FOXP2: variants seen among roughly 807,000 people sequenced by gnomAD.
FOXP2 encodes the protein forkhead box protein P2.
FOXP2 carries 12 observed loss-of-function variants against 115.8 expected under a neutral mutation model. That is an observed-to-expected ratio of 0.10 (90% confidence interval 0.07 to 0.17). FOXP2 has a LOEUF of 0.17. Among genes scored for constraint, FOXP2 ranks in the 10% least tolerant of loss-of-function variants. The probability of loss-of-function intolerance (pLI) is 1.00; values close to 1 mark genes in which losing one functional copy is unlikely to be tolerated. For missense variants in FOXP2, 629 were observed against 843.5 expected (o/e 0.75, Z 3.15); for synonymous variants, 328 against 297.7 (o/e 1.10, Z -1.05).
chr7:114,505,538 A>G (rs1797765174), intron 2 of FOXP2, among the ~76,000 whole-genome samples: 2 of 151,326 alleles, frequency 1.3e-5, no homozygotes, highest in South Asian at 4.1e-4. Flanking sequence ...TAGAGATCAA[A>G]TAATAGGTGA....
chr7:114,262,664 T>C (rs1795786543), intron 1 of FOXP2, among the ~76,000 whole-genome samples: 1 of 152,240 alleles, frequency 6.6e-6, no homozygotes. Context: ...TTAACAAATT[T>C]AGATTTAAAG....
chr7:114,637,267 T>A (rs1805273897), intron 6 of FOXP2, among the ~76,000 whole-genome samples: 1 of 152,202 alleles, frequency 6.6e-6, no homozygotes, highest in South Asian at 2.1e-4. Flanking sequence ...CCTTTTAATA[T>A]TTGTGGTACT....
At chr7:114,111,899 G>A (rs970493348) in intron 1 of FOXP2, among the ~76,000 whole-genome samples, 1 of 151,912 alleles carries the variant, frequency 6.6e-6, no homozygotes, top group African/African-American at 2.4e-5. Flanking sequence ...TTTGAAGACT[G>A]TTCCCAGGGC....
At chr7:114,252,377 C>T (rs961409433) in intron 1 of FOXP2, among the ~76,000 whole-genome samples, 3 of 152,152 alleles carry the variant, frequency 2.0e-5, no homozygotes, top group African/African-American at 7.2e-5. Context: ...GTACCAGCTC[C>T]TCCTTGTACC....
intron 3 of FOXP2, among the ~76,000 whole-genome samples, chr7:114,546,437 A>G (rs1296249069): frequency 6.6e-6 from 1 of 152,230 alleles, no homozygotes. Flanking sequence ...CTCTCCAAAC[A>G]TACTATTTAT....
intron 2 of FOXP2, among the ~76,000 whole-genome samples, chr7:114,441,724 A>C (rs1004636516): frequency 6.6e-6 from 1 of 152,224 alleles, no homozygotes; most frequent in Admixed American, 6.5e-5. Flanking sequence ...CAAAGAAGAT[A>C]TATGAATGGG....
At chr7:114,548,546 G>T (rs1290208785) in intron 3 of FOXP2, among the ~76,000 whole-genome samples, 3 of 152,122 alleles carry the variant, frequency 2.0e-5, no homozygotes, top group African/African-American at 4.8e-5. Flanking sequence ...AATTTTGTTT[G>T]TTTGTTTTCT....
intron 2 of FOXP2, among the ~76,000 whole-genome samples, chr7:114,368,430 A>G (rs1213757539): frequency 6.6e-6 from 1 of 152,206 alleles, no homozygotes; most frequent in Admixed American, 6.5e-5. Flanking sequence ...GGTAGTTTAT[A>G]ATCACTGTGC....
intron 3 of FOXP2, among the ~76,000 whole-genome samples, chr7:114,572,971 T>G (rs1433458644): frequency 6.6e-6 from 1 of 151,888 alleles, no homozygotes; most frequent in East Asian, 1.9e-4. Context: ...CTGCTTTGAA[T>G]GCAGTGTTAA....
At chr7:114,090,711 A>C (rs1263359327) in intron 1 of FOXP2, among the ~76,000 whole-genome samples, 1 of 151,842 alleles carries the variant, frequency 6.6e-6, no homozygotes, top group Non-Finnish European at 1.5e-5. Context: ...TAGGTGAAAT[A>C]AACATTTTCT....
chr7:114,426,633 G>A lies in FOXP2; in HGVS notation c.122G>A (p.Ser41Asn). 1.2e-6 allele frequency: 2 copies of A among 1,611,532 alleles called. No individual in the cohort carries two copies. The highest frequency in any genetic ancestry group is 1.7e-6 in the Non-Finnish European group (2 of 1,178,326). Reference sequence around the variant, plus strand: ...GATGGAAGATCAAGTGGTGACACCAGCTCTGAAGTAAGCACAGTAGAACTG... The same window carrying A: ...GATGGAAGATCAAGTGGTGACACCAACTCTGAAGTAAGCACAGTAGAACTG... ...SRDGRSSGDT[S>N]SEVSTVELLH... The change falls in exon 2 of 17, where the codon AGC becomes AAC. Residue 41 changes from serine (S) to asparagine (N), a missense_variant. Transcript: ENST00000350908.
At chr7:114,365,937 C>A (rs1183662490) in intron 2 of FOXP2, among the ~76,000 whole-genome samples, 1 of 152,020 alleles carries the variant, frequency 6.6e-6, no homozygotes, top group African/African-American at 2.4e-5. Flanking sequence ...TCATTTCCCC[C>A]AAAATTCCTA....
intron 2 of FOXP2, among the ~76,000 whole-genome samples, chr7:114,443,893 G>A (rs1008116896): frequency 6.6e-6 from 1 of 152,150 alleles, no homozygotes; most frequent in Admixed American, 6.5e-5. Flanking sequence ...ATGCATGCAT[G>A]TTTCTTTATG....
chr7:114,228,793 CA>C (rs1265335255), intron 1 of FOXP2, among the ~76,000 whole-genome samples: 2 of 141,868 alleles, frequency 1.4e-5, no homozygotes, highest in Admixed American at 6.9e-5. Context: ...TATAGAACTA[CA>C]AAAAAATCAA....
chr7:114,510,441 A>C (rs2129261104), intron 2 of FOXP2, among the ~76,000 whole-genome samples: 1 of 152,326 alleles, frequency 6.6e-6, no homozygotes, highest in South Asian at 2.1e-4. Flanking sequence ...AAATAGGATA[A>C]GAAGAAGAAT....
At chr7:114,440,390 A>T (rs1384953353) in intron 2 of FOXP2, among the ~76,000 whole-genome samples, 1 of 152,180 alleles carries the variant, frequency 6.6e-6, no homozygotes, top group African/African-American at 2.4e-5. Context: ...ATAATGTATG[A>T]GTGAAAACTT....
At chr7:114,588,045 C>A (rs1053628869) in intron 3 of FOXP2, among the ~76,000 whole-genome samples, 2 of 151,704 alleles carry the variant, frequency 1.3e-5, no homozygotes, top group African/African-American at 4.8e-5. Flanking sequence ...CATGGTGGCT[C>A]AGGCCTGTGA....
chr7:114,354,058 A>G (rs1230613717), intron 2 of FOXP2, among the ~76,000 whole-genome samples: 1 of 152,114 alleles, frequency 6.6e-6, no homozygotes, highest in East Asian at 1.9e-4. Flanking sequence ...GAAGATCTAT[A>G]CTCACCAATC....
intron 2 of FOXP2, among the ~76,000 whole-genome samples, chr7:114,334,931 C>CTATATATATATATATATATATATATA (rs144511332): frequency 1.7e-5 from 2 of 119,334 alleles, no homozygotes; most frequent in East Asian, 3.0e-4. Flanking sequence ...ATATAGAAAT[C>CTATATATATATATATATATATATATA]TATATATATA....
Sources: allele counts gnomAD v4.1 joint callset (sites outside exome capture counted in the v4.1 genomes callset), GRCh38; gene constraint gnomAD v4.1.1; transcripts MANE v1.5; gene names NCBI Gene and HGNC (gene_info 2026-07-23, HGNC 2026-07-21).